Variants in AGBL4 observed in about 807,000 individuals in gnomAD.
AGBL4 encodes cytosolic carboxypeptidase 6.
Under a neutral mutation model 66.4 loss-of-function variants are expected in AGBL4, and 58 were observed. The observed-to-expected ratio is 0.87, with a 90% CI of 0.71 to 1.09. The LOEUF (loss-of-function observed/expected upper bound fraction) is 1.09, where lower values mean the gene tolerates loss of function less well. AGBL4 is among the 50% of genes least tolerant of loss of function. AGBL4 has a pLI of 0.00. For synonymous variants in AGBL4, 234 were observed against 222.9 expected, an observed-to-expected ratio of 1.05 and a Z score of -0.44; for missense variants, 579 against 631.0, an observed-to-expected ratio of 0.92 and a Z score of 0.88.
chr1:49,440,897 A>G (rs907188767), intron 3 of AGBL4, among the ~76,000 whole-genome samples: 1 of 152,128 alleles, frequency 6.6e-6, no homozygotes, highest in Non-Finnish European at 1.5e-5. Flanking sequence ...AACTCTGATG[A>G]ACTTTTTTTG....
At chr1:49,499,120 T>C (rs1002265291) in intron 3 of AGBL4, among the ~76,000 whole-genome samples, 1 of 151,994 alleles carries the variant, frequency 6.6e-6, no homozygotes, top group Non-Finnish European at 1.5e-5. Context: ...TTGGGAGTCC[T>C]TAAAAAATTG....
intron 2 of AGBL4, among the ~76,000 whole-genome samples, chr1:49,705,671 G>A (rs770084741): frequency 2.2e-4 from 34 of 152,088 alleles, no homozygotes; most frequent in Non-Finnish European, 4.4e-4. Context: ...GATATTGGCT[G>A]TGGGTTTGTC....
intron 5 of AGBL4, among the ~76,000 whole-genome samples, chr1:48,992,391 C>G (rs1307826814): frequency 6.6e-6 from 1 of 152,004 alleles, no homozygotes; most frequent in Non-Finnish European, 1.5e-5. Flanking sequence ...AGCAAATATC[C>G]CTGTGGCCAC....
At chr1:49,047,665 T>G (rs1343452748) in intron 4 of AGBL4, among the ~76,000 whole-genome samples, 2 of 152,156 alleles carry the variant, frequency 1.3e-5, no homozygotes, top group Non-Finnish European at 2.9e-5. Flanking sequence ...GAGGATTTCT[T>G]GAGAGGGCAA....
intron 3 of AGBL4, among the ~76,000 whole-genome samples, chr1:49,372,783 T>G (rs565035165): frequency 6.6e-6 from 1 of 151,088 alleles, no homozygotes; most frequent in Non-Finnish European, 1.5e-5. Context: ...TTTTGAGACA[T>G]GGTTTCCCTC....
At chr1:49,707,362 C>T (rs78435169) in intron 2 of AGBL4, among the ~76,000 whole-genome samples, 1 of 142,970 alleles carries the variant, frequency 7.0e-6, no homozygotes, top group African/African-American at 2.6e-5. Flanking sequence ...GGATTGCAAC[C>T]CCTGCTTTTT....
chr1:49,216,259 A>G lies in AGBL4; in HGVS notation c.377+29511T>C, dbSNP rs1649080343. 2.0e-5 allele frequency among the ~76,000 whole-genome samples: 3 copies of G among 151,938 alleles called. No individual in the cohort carries two copies. In the South Asian group the frequency reaches 6.2e-4, roughly 32 times the overall value. On this transcript the variant is annotated intron_variant, in intron 4 of 13. Coordinates refer to ENST00000371839, the MANE Select transcript of AGBL4 (RefSeq NM_032785.4). ...AAGCTTTTATTATTTAATTTTATTC[A>G]TTTTTTTCTAATTTCAACTTTTAGA... is the stretch of plus-strand genomic sequence containing the variant.
intron 3 of AGBL4, among the ~76,000 whole-genome samples, chr1:49,571,270 T>G (rs1477157747): frequency 6.6e-6 from 1 of 152,044 alleles, no homozygotes; most frequent in Non-Finnish European, 1.5e-5. Context: ...TCTTTCATAG[T>G]GTATTGTGGT....
At chr1:49,183,753 A>G (rs2148191250) in intron 4 of AGBL4, among the ~76,000 whole-genome samples, 1 of 152,328 alleles carries the variant, frequency 6.6e-6, no homozygotes, top group South Asian at 2.1e-4. Context: ...AAATAAACTG[A>G]AAAATAGCCT....
At chr1:49,053,900 C>T (rs1644264430) in intron 4 of AGBL4, among the ~76,000 whole-genome samples, 1 of 152,034 alleles carries the variant, frequency 6.6e-6, no homozygotes, top group Admixed American at 6.6e-5. Context: ...TCAGAAGACA[C>T]AAATCTGCTG....
intron 3 of AGBL4, among the ~76,000 whole-genome samples, chr1:49,391,762 T>C (rs559924122): frequency 5.0e-4 from 76 of 152,024 alleles, no homozygotes; most frequent in African/African-American, 1.3e-3. Flanking sequence ...GGGGTTTCAC[T>C]GTGTTAGCCA....
chr1:49,628,006 T>C (rs921814457), intron 3 of AGBL4, among the ~76,000 whole-genome samples: 8 of 152,202 alleles, frequency 5.3e-5, no homozygotes, highest in Non-Finnish European at 1.0e-4. Context: ...TCCAATTTTA[T>C]GACTTTGTAG....
At chr1:49,206,759 A>G (rs947871247) in intron 4 of AGBL4, among the ~76,000 whole-genome samples, 4 of 152,028 alleles carry the variant, frequency 2.6e-5, no homozygotes, top group Non-Finnish European at 5.9e-5. Flanking sequence ...TACATTCTGG[A>G]AAGAGTAGAA....
At chr1:49,696,304 T>C (rs1027513092) in intron 3 of AGBL4, among the ~76,000 whole-genome samples, 1 of 152,118 alleles carries the variant, frequency 6.6e-6, no homozygotes, top group African/African-American at 2.4e-5. Flanking sequence ...TAGTTCCCTT[T>C]ATTTTCATCA....
intron 2 of AGBL4, among the ~76,000 whole-genome samples, chr1:49,714,667 A>G (rs1647954186): frequency 6.6e-6 from 1 of 151,186 alleles, no homozygotes; most frequent in African/African-American, 2.4e-5. Flanking sequence ...TCTTTGTCCA[A>G]TCATCCATTC....
chr1:49,835,070 TG>T (rs1442223995), intron 2 of AGBL4, among the ~76,000 whole-genome samples: 1 of 152,216 alleles, frequency 6.6e-6, no homozygotes, highest in Non-Finnish European at 1.5e-5. Context: ...TGGAGAGTTC[TG>T]TCGATGTCTA....
chr1:48,588,688 T>C (rs1557809966), intron 10 of AGBL4, among the ~76,000 whole-genome samples: 1 of 151,942 alleles, frequency 6.6e-6, no homozygotes, highest in African/African-American at 2.4e-5. Context: ...TGTGTGTCTA[T>C]TTTAAGGTAA....
Position 49,006,686 on chromosome 1 carries a change from G to A in AGBL4, c.594+38898C>T, listed in dbSNP as rs552328616. On this transcript the variant is annotated intron_variant, in intron 5 of 13. Coordinates refer to ENST00000371839, the MANE Select transcript of AGBL4 (RefSeq NM_032785.4). ...AGTACGCAGCTGGAGATCTGAGAACGGGCAGACTGCCTCCTCAAGTGGGTC... is the reference window on the plus strand; with the variant it reads ...AGTACGCAGCTGGAGATCTGAGAACAGGCAGACTGCCTCCTCAAGTGGGTC... 9.2e-5 allele frequency among the ~76,000 whole-genome samples: 14 copies of A among 151,596 alleles called. No individual in the cohort carries two copies. In the East Asian group the frequency reaches 1.2e-3, roughly 13 times the overall value.
At chr1:49,247,185 A>G (rs929632579) in intron 3 of AGBL4, among the ~76,000 whole-genome samples, 5 of 152,070 alleles carry the variant, frequency 3.3e-5, no homozygotes, top group Non-Finnish European at 5.9e-5. Flanking sequence ...AAACAAGTCT[A>G]TTTTCCAAGG....
Sources: allele counts gnomAD v4.1 joint callset (sites outside exome capture counted in the v4.1 genomes callset), GRCh38; gene constraint gnomAD v4.1.1; transcripts MANE v1.5; gene names NCBI Gene and HGNC (gene_info 2026-07-23, HGNC 2026-07-21).